The following ACTN2 variants were observed in gnomAD, a reference collection of about 807,000 sequenced individuals.
ACTN2 encodes the protein alpha-actinin-2.
A neutral mutation model predicts 113.8 loss-of-function variants in ACTN2; 39 were observed. That is an observed-to-expected ratio of 0.34 (90% CI 0.27 to 0.45). The LOEUF is 0.45. Ranked by LOEUF, ACTN2 falls within the 20% of genes least tolerant of loss-of-function variation. The pLI, the probability that ACTN2 is intolerant of heterozygous loss-of-function variation, is 1.00. For missense variants in ACTN2, 992 were observed against 1,177.9 expected, an observed-to-expected ratio of 0.84 and a Z score of 2.31; for synonymous variants, 429 against 444.1, an observed-to-expected ratio of 0.97 and a Z score of 0.43.
At chr1:236,694,255 C>T (rs6688531) in intron 1 of ACTN2, among the ~76,000 whole-genome samples, 15,176 of 135,950 alleles carry the variant, frequency 0.11, 902 homozygotes, top group Middle Eastern at 0.16. Flanking sequence ...GTTTCACTGT[C>T]GTTGCCCGGG....
At chr1:236,739,091 C>T (rs1194030660) in intron 9 of ACTN2, among the ~76,000 whole-genome samples, 3 of 152,068 alleles carry the variant, frequency 2.0e-5, no homozygotes, top group Admixed American at 6.5e-5. Context: ...TTTAAGTTTT[C>T]GACCTGTGTT....
chr1:236,694,957 T>G (rs566495819), intron 1 of ACTN2, among the ~76,000 whole-genome samples: 1 of 152,212 alleles, frequency 6.6e-6, no homozygotes, highest in East Asian at 1.9e-4. Context: ...TTTTAGCTAC[T>G]TGGGAGGCTG....
intron 1 of ACTN2, among the ~76,000 whole-genome samples, chr1:236,710,416 C>T (rs1261881982): frequency 6.6e-6 from 1 of 152,212 alleles, no homozygotes; most frequent in Non-Finnish European, 1.5e-5. Flanking sequence ...CATAATTTCA[C>T]TTTGAGAAAA....
chr1:236,754,832 C>A lies in ACTN2; in HGVS notation c.1975-187C>A, dbSNP rs1659504520. Among the ~76,000 whole-genome samples, 1 of 152,188 alleles carries A rather than the reference C, an allele frequency of 6.6e-6. No individual in the cohort carries two copies. Among genetic ancestry groups the A allele is most frequent in the Non-Finnish European group, 1.5e-5 (1 of 68,024 alleles). On this transcript the variant is annotated intron_variant, in intron 16 of 20. Transcript: ENST00000366578. This position sits in a 1 kb window ranked among gnomAD's most constrained non-coding sequence, Gnocchi z 4.9. ...ATTTTCTAGACAGACTAGAACTAGA[C>A]CTTGTTTTGTTCTGCGATGCTACCC...
At chr1:236,742,033 A>G (rs540997931) in intron 10 of ACTN2, among the ~76,000 whole-genome samples, 2 of 152,130 alleles carry the variant, frequency 1.3e-5, no homozygotes, top group South Asian at 4.2e-4. Context: ...CCCCTTGCCC[A>G]GGAGCCCTCG....
chr1:236,764,275 G>A lies in ACTN2; in HGVS notation c.*1656G>A, dbSNP rs978078534. 6.6e-6 allele frequency: 1 copy of A among 152,126 alleles called. No homozygotes were observed. The highest frequency in any genetic ancestry group is 1.5e-5 in the Non-Finnish European group (1 of 68,034). The allele number at this position is 152,126 out of a possible 1,614,324, so 9.4% of individuals were successfully genotyped here. A position where few individuals can be genotyped will look rare whatever the true frequency, so the allele number is the denominator to read the frequency against. Reference sequence around the variant, plus strand: ...TTTAATGCCAAACACTTTTGGGGTGGTTTAGATGAACTCTGACTCTATTTT... The same window carrying A: ...TTTAATGCCAAACACTTTTGGGGTGATTTAGATGAACTCTGACTCTATTTT... On this transcript the variant is annotated 3_prime_UTR_variant, in exon 21 of 21. Transcript: ENST00000366578.
At chr1:236,735,789 G>T (rs748749600) in intron 8 of ACTN2, 69 bp downstream of exon 8, 2 of 1,331,284 alleles carry the variant, frequency 1.5e-6, no homozygotes, top group South Asian at 1.2e-5. Flanking sequence ...GTGCATACTT[G>T]AGTGTGTGTT....
intron 1 of ACTN2, among the ~76,000 whole-genome samples, chr1:236,703,844 CA>C (rs1657748610): frequency 6.6e-6 from 1 of 152,000 alleles, no homozygotes; most frequent in Non-Finnish European, 1.5e-5. Context: ...TAAGTAATTG[CA>C]GCTGAAAAAT....
In ACTN2 at chr1:236,690,935, CTT is replaced by C. The variant is rs34214344; in HGVS notation, c.126+4155_126+4156del. 6.3e-3 allele frequency among the ~76,000 whole-genome samples: 648 copies of C among 103,252 alleles called. 2 individuals are homozygous for C. Among genetic ancestry groups the C allele is most frequent in the Middle Eastern group, 0.015 (3 of 206 alleles). The allele number at this position is 103,252 out of a possible 152,430, so 67.7% of individuals were successfully genotyped here. A position where few individuals can be genotyped will look rare whatever the true frequency, so the allele number is the denominator to read the frequency against. On this transcript the variant is annotated intron_variant, in intron 1 of 20. Coordinates refer to ENST00000366578, the MANE Select transcript of ACTN2 (RefSeq NM_001103.4). ...TCCCATTCCCCCCTCCTCGGGTGTACTTTTTTTTTTTTTTTTTTTTGAGACGG... is the reference window on the plus strand; with the variant it reads ...TCCCATTCCCCCCTCCTCGGGTGTACTTTTTTTTTTTTTTTTTTGAGACGG...
rs749041916 is a variant in ACTN2, at chr1:236,718,880, T to G, written c.242-14T>G. ...CTGTCTCTATGTCTGCATGATTCTC[T>G]TTTCATCCAACAGGGGAAAGGCTGC... On this transcript the variant is annotated splice_polypyrimidine_tract_variant and intron_variant, in intron 2 of 20. Coordinates refer to ENST00000366578, the MANE Select transcript of ACTN2 (RefSeq NM_001103.4). The G allele has an allele frequency of 1.1e-5, 18 of 1,614,018 alleles. No individual in the cohort carries two copies. The highest frequency in any genetic ancestry group is 1.7e-6 in the Non-Finnish European group (2 of 1,180,016).
chr1:236,738,383 ATAG>A (rs1284634389), intron 9 of ACTN2, among the ~76,000 whole-genome samples: 1 of 152,240 alleles, frequency 6.6e-6, no homozygotes, highest in Non-Finnish European at 1.5e-5. Flanking sequence ...GTTCCAATAA[ATAG>A]TAGTGTAACT....
intron 15 of ACTN2, among the ~76,000 whole-genome samples, chr1:236,752,453 G>A (rs549859626): frequency 2.2e-4 from 25 of 116,210 alleles, no homozygotes; most frequent in South Asian, 2.1e-3. Flanking sequence ...TCTTCCTAAC[G>A]AACACCCAAA....
chr1:236,711,491 G>A (rs1466257157), intron 1 of ACTN2, among the ~76,000 whole-genome samples: 4 of 152,264 alleles, frequency 2.6e-5, no homozygotes, highest in African/African-American at 9.6e-5. Context: ...TGAGATTACA[G>A]GCATGCGCCA....
In ACTN2 at chr1:236,728,031, T is replaced by C. The variant is rs562259297; in HGVS notation, c.615+275T>C. Among the ~76,000 whole-genome samples, 61 of 152,346 alleles carry C rather than the reference T, an allele frequency of 4.0e-4. 1 individual carries two copies. The highest frequency in any genetic ancestry group is 1.4e-3 in the African/African-American group (60 of 41,592). ...AGATATGTTTGATGATTTGGCTTGATTTACTATGAAGGCTTTCTATATGTT... is the reference window on the plus strand; with the variant it reads ...AGATATGTTTGATGATTTGGCTTGACTTACTATGAAGGCTTTCTATATGTT... On this transcript the variant is annotated intron_variant, in intron 6 of 20. Coordinates refer to ENST00000366578, the MANE Select transcript of ACTN2 (RefSeq NM_001103.4).
chr1:236,686,549 G>C lies in ACTN2; in HGVS notation c.-125G>C. 2 of 1,163,606 alleles carry C rather than the reference G, an allele frequency of 1.7e-6. No homozygotes were observed. The highest frequency in any genetic ancestry group is 2.2e-6 in the Non-Finnish European group (2 of 906,366). 72.1% of individuals were successfully genotyped at this position (1,163,606 alleles called of 1,614,324 possible). ...AGCGCCCAGGCGTGTCGCCCCGAGA[G>C]GAGCCGCGCGAAGGTCACCCCGCGC... On this transcript the variant is annotated 5_prime_UTR_variant, in exon 1 of 21. Coordinates refer to ENST00000366578, the MANE Select transcript of ACTN2 (RefSeq NM_001103.4).
intron 19 of ACTN2, among the ~76,000 whole-genome samples, chr1:236,760,057 C>T (rs1424664941): frequency 6.6e-6 from 1 of 152,152 alleles, no homozygotes; most frequent in East Asian, 1.9e-4. Flanking sequence ...ACCAGCCTAA[C>T]CAATATGGTG....
chr1:236,741,985 A>T (rs1659083244), intron 10 of ACTN2, among the ~76,000 whole-genome samples: 1 of 152,030 alleles, frequency 6.6e-6, no homozygotes, highest in African/African-American at 2.4e-5. Context: ...TCCTTCCCGC[A>T]CGCACAGCAC....
chr1:236,718,041 C>G (rs180812340), intron 2 of ACTN2, 69 bp downstream of exon 2: 1 of 1,248,138 alleles, frequency 8.0e-7, no homozygotes, highest in African/African-American at 1.5e-5. Context: ...TTAAAGATGA[C>G]TACATCAGAA....
intron 14 of ACTN2, 105 bp downstream of exon 14, chr1:236,749,369 A>T: frequency 6.7e-7 from 1 of 1,485,452 alleles, no homozygotes; most frequent in Admixed American, 1.9e-5. Context: ...TTAAAAAAAA[A>T]TTAACAAATG....
Sources: allele counts gnomAD v4.1 joint callset (sites outside exome capture counted in the v4.1 genomes callset), GRCh38; gene constraint gnomAD v4.1.1; non-coding constraint Gnocchi (gnomAD v3.1); transcripts MANE v1.5; gene names NCBI Gene and HGNC (gene_info 2026-07-23, HGNC 2026-07-21).